PRKCB: variants seen among roughly 807,000 people sequenced by gnomAD.
PRKCB encodes the protein protein kinase C beta.
PRKCB carries 13 observed loss-of-function variants against 81.5 expected under a neutral mutation model. The observed-to-expected ratio is 0.16, with a 90% CI of 0.10 to 0.25. The LOEUF (loss-of-function observed/expected upper bound fraction) is 0.25. Among genes scored for constraint, PRKCB ranks in the 10% least tolerant of loss-of-function variants. The probability of loss-of-function intolerance (pLI) is 1.00; values close to 1 mark genes in which losing one functional copy is unlikely to be tolerated. For synonymous variants in PRKCB, 335 were observed against 321.4 expected, an observed-to-expected ratio of 1.04 and a Z score of -0.45; for missense variants, 509 against 875.7, an observed-to-expected ratio of 0.58 and a Z score of 5.29.
intron 2 of PRKCB, among the ~76,000 whole-genome samples, chr16:23,985,177 C>T (rs374744139): frequency 5.5e-4 from 84 of 152,156 alleles, no homozygotes; most frequent in African/African-American, 1.7e-3. Context: ...CTTCAACCTC[C>T]GCCTCCTGGG....
At chr16:23,948,884 T>C (rs943709187) in intron 2 of PRKCB, among the ~76,000 whole-genome samples, 7 of 152,242 alleles carry the variant, frequency 4.6e-5, no homozygotes, top group South Asian at 2.1e-4. Context: ...TTAACCACCA[T>C]GCATCTCCTG....
intron 3 of PRKCB, among the ~76,000 whole-genome samples, chr16:24,021,158 C>CCTCCCTCT (rs1965382534): frequency 1.5e-5 from 2 of 129,122 alleles, no homozygotes; most frequent in African/African-American, 5.6e-5. Flanking sequence ...TCTTTTCCTC[C>CCTCCCTCT]CTCCCTCTCT....
chr16:24,204,374 T>A (rs1453874559), intron 16 of PRKCB, among the ~76,000 whole-genome samples: 2 of 152,146 alleles, frequency 1.3e-5, no homozygotes, highest in African/African-American at 4.8e-5. Context: ...ATTGAACAGA[T>A]GGGCTCTGGA....
intron 5 of PRKCB, among the ~76,000 whole-genome samples, chr16:24,065,616 T>C (rs1966023634): frequency 6.6e-6 from 1 of 152,214 alleles, no homozygotes; most frequent in African/African-American, 2.4e-5. Context: ...TTTTCATTCT[T>C]TCTTACATTT....
intron 7 of PRKCB, among the ~76,000 whole-genome samples, chr16:24,097,032 CTTTTTTTTTTTTT>C (rs35055699): frequency 1.2e-5 from 1 of 82,672 alleles, no homozygotes; most frequent in South Asian, 4.5e-4. Flanking sequence ...CATCTTAGGC[CTTTTTTTTTTTTT>C]TTTTTTTTTG....
intron 7 of PRKCB, among the ~76,000 whole-genome samples, chr16:24,110,155 G>A (rs1405683064): frequency 8.0e-6 from 1 of 125,336 alleles, no homozygotes; most frequent in Non-Finnish European, 1.6e-5. Context: ...GGAGAGGAGG[G>A]AGAGGAGGGA....
At chr16:24,055,048 T>C (rs891496982) in intron 5 of PRKCB, among the ~76,000 whole-genome samples, 1 of 152,148 alleles carries the variant, frequency 6.6e-6, no homozygotes, top group African/African-American at 2.4e-5. Context: ...TTTCTCCAAG[T>C]GTAAGCTGGG....
Position 24,075,410 on chromosome 16 carries a change from A to T in PRKCB, c.530-17381A>T, listed in dbSNP as rs550492789. Among the ~76,000 whole-genome samples, 11 of 152,320 alleles carry T rather than the reference A, an allele frequency of 7.2e-5. No individual in the cohort carries two copies. In the South Asian group the frequency reaches 2.3e-3, roughly 32 times the overall value. On this transcript the variant is annotated intron_variant, in intron 5 of 16. Transcript: ENST00000643927. ...AGGAAACCTCAAATCCATCTCCCAG[A>T]GGAGTCTGGGGCTAGGATTTTTAAG...
intron 2 of PRKCB, among the ~76,000 whole-genome samples, chr16:23,866,710 G>C (rs2141095236): frequency 6.6e-6 from 1 of 152,226 alleles, no homozygotes; most frequent in South Asian, 2.1e-4. Context: ...TAATGGCTTA[G>C]CCCTGGGGTA....
At chr16:23,915,812 A>G (rs1021707950) in intron 2 of PRKCB, among the ~76,000 whole-genome samples, 1 of 150,116 alleles carries the variant, frequency 6.7e-6, no homozygotes, top group East Asian at 1.9e-4. Context: ...AGGTATACAA[A>G]GAGAAGAAAA....
chr16:24,184,548 T>G (rs57598554), intron 13 of PRKCB, among the ~76,000 whole-genome samples: 1,528 of 152,316 alleles, frequency 0.01, 19 homozygotes, highest in African/African-American at 0.035. Flanking sequence ...TAATATGTAT[T>G]CAGAGAAAAG....
At chr16:24,104,478 T>C (rs752236798) in intron 7 of PRKCB, among the ~76,000 whole-genome samples, 7 of 152,128 alleles carry the variant, frequency 4.6e-5, no homozygotes, top group Non-Finnish European at 1.0e-4. Context: ...TAAACAACAA[T>C]TGTAAATGAA....
intron 7 of PRKCB, among the ~76,000 whole-genome samples, chr16:24,096,885 A>G (rs911162788): frequency 1.5e-4 from 23 of 151,666 alleles, no homozygotes; most frequent in Admixed American, 1.4e-3. Flanking sequence ...TGTCTCATTC[A>G]GGACCTTTTC....
intron 2 of PRKCB, among the ~76,000 whole-genome samples, chr16:23,979,815 G>A (rs1022818284): frequency 2.6e-5 from 4 of 152,182 alleles, no homozygotes; most frequent in African/African-American, 7.2e-5. Context: ...ACTTCTCTCC[G>A]AGCATCAGTG....
At chr16:24,077,014 C>A (rs1430035288) in intron 5 of PRKCB, among the ~76,000 whole-genome samples, 1 of 152,198 alleles carries the variant, frequency 6.6e-6, no homozygotes, top group East Asian at 1.9e-4. Flanking sequence ...ACAGTCCCAG[C>A]TGCTCCCCTG....
chr16:23,876,340 A>G (rs568333238), intron 2 of PRKCB, among the ~76,000 whole-genome samples: 1 of 152,338 alleles, frequency 6.6e-6, no homozygotes, highest in Admixed American at 6.5e-5. Flanking sequence ...TAATCCACCA[A>G]ACTCTGAGAA....
At chr16:23,979,777 G>A (rs181770482) in intron 2 of PRKCB, among the ~76,000 whole-genome samples, 4 of 152,280 alleles carry the variant, frequency 2.6e-5, no homozygotes, top group Admixed American at 6.5e-5. Context: ...GTGTTAACAC[G>A]GACTAGCTGA....
intron 5 of PRKCB, among the ~76,000 whole-genome samples, chr16:24,089,447 G>A (rs957475820): frequency 1.3e-5 from 2 of 152,160 alleles, no homozygotes; most frequent in African/African-American, 4.8e-5. Flanking sequence ...GTCAGTACGT[G>A]TGGAAATGGT....
intron 15 of PRKCB, among the ~76,000 whole-genome samples, chr16:24,188,278 A>C (rs1967735686): frequency 6.6e-6 from 1 of 152,182 alleles, no homozygotes; most frequent in Non-Finnish European, 1.5e-5. Flanking sequence ...TACTCCAAAA[A>C]CGAGTGATGC....
Sources: allele counts gnomAD v4.1 joint callset (sites outside exome capture counted in the v4.1 genomes callset), GRCh38; gene constraint gnomAD v4.1.1; transcripts MANE v1.5; gene names NCBI Gene and HGNC (gene_info 2026-07-23, HGNC 2026-07-21).